PDGFD: variants seen among roughly 807,000 people sequenced by gnomAD.
The protein encoded by PDGFD is platelet-derived growth factor D.
PDGFD carries 30 observed loss-of-function variants against 44.7 expected under a neutral mutation model. The observed-to-expected ratio is 0.67, with a 90% CI of 0.50 to 0.91. The LOEUF (loss-of-function observed/expected upper bound fraction) is 0.91, where lower values mean the gene tolerates loss of function less well. Among genes scored for constraint, PDGFD ranks in the 40% least tolerant of loss-of-function variants. PDGFD has a pLI of 0.00. For synonymous variants in PDGFD, 173 were observed against 168.4 expected (o/e 1.03, Z -0.21); for missense variants, 445 against 457.8 (o/e 0.97, Z 0.25).
chr11:103,969,413 C>G (rs1388286431), intron 3 of PDGFD, among the ~76,000 whole-genome samples: 1 of 144,350 alleles, frequency 6.9e-6, no homozygotes, highest in African/African-American at 2.6e-5. Flanking sequence ...ACTCAAGGTT[C>G]TATAAAACTA....
intron 1 of PDGFD, among the ~76,000 whole-genome samples, chr11:104,035,924 T>A (rs141165341): frequency 6.6e-6 from 1 of 152,286 alleles, no homozygotes; most frequent in East Asian, 1.9e-4. Context: ...CATGTCTTTG[T>A]AAAAGATTTT....
intron 1 of PDGFD, among the ~76,000 whole-genome samples, chr11:104,157,781 C>T (rs1862328571): frequency 6.6e-6 from 1 of 152,118 alleles, no homozygotes; most frequent in Admixed American, 6.5e-5. Flanking sequence ...GATAAGGAAG[C>T]AGACTTTAAG....
chr11:104,141,657 T>G (rs1862087534), intron 1 of PDGFD, among the ~76,000 whole-genome samples: 1 of 152,156 alleles, frequency 6.6e-6, no homozygotes, highest in Non-Finnish European at 1.5e-5. Flanking sequence ...ATTATCCATG[T>G]GAGCCCTAAA....
intron 1 of PDGFD, among the ~76,000 whole-genome samples, chr11:104,051,877 T>A (rs909626267): frequency 1.3e-5 from 2 of 152,166 alleles, no homozygotes; most frequent in African/African-American, 4.8e-5. Context: ...TTATATAACA[T>A]AAAATCAACC....
intron 3 of PDGFD, among the ~76,000 whole-genome samples, chr11:103,977,564 C>T (rs1331367907): frequency 1.3e-5 from 2 of 151,862 alleles, no homozygotes; most frequent in Non-Finnish European, 2.9e-5. Flanking sequence ...TCCTTGAATC[C>T]CCCCAGTACC....
chr11:104,137,024 G>A (rs1231164222), intron 1 of PDGFD, among the ~76,000 whole-genome samples: 1 of 151,186 alleles, frequency 6.6e-6, no homozygotes, highest in African/African-American at 2.4e-5. Context: ...CAGTGACTGT[G>A]CTCAGGAAAC....
chr11:103,944,439 A>G (rs893794565), intron 4 of PDGFD, among the ~76,000 whole-genome samples: 4 of 152,168 alleles, frequency 2.6e-5, no homozygotes, highest in African/African-American at 4.8e-5. Context: ...TGTACAATCT[A>G]GAGGTAAATG....
intron 3 of PDGFD, among the ~76,000 whole-genome samples, chr11:103,985,240 C>T (rs1346790660): frequency 6.8e-6 from 1 of 148,086 alleles, no homozygotes; most frequent in Admixed American, 6.9e-5. Context: ...CTTGCCTTAT[C>T]ACCAAGGCTG....
intron 3 of PDGFD, among the ~76,000 whole-genome samples, chr11:103,973,906 T>A (rs1202237247): frequency 6.6e-6 from 1 of 152,052 alleles, no homozygotes; most frequent in East Asian, 1.9e-4. Context: ...GTTTTGGGGT[T>A]TTATCATAGG....
chr11:103,954,894 G>C (rs1858814044), intron 3 of PDGFD, among the ~76,000 whole-genome samples: 1 of 152,080 alleles, frequency 6.6e-6, no homozygotes, highest in Non-Finnish European at 1.5e-5. Context: ...GCCGGGCGCG[G>C]TGGCTCACGC....
At chr11:103,992,595 C>T (rs1477827444) in intron 3 of PDGFD, among the ~76,000 whole-genome samples, 1 of 152,196 alleles carries the variant, frequency 6.6e-6, no homozygotes, top group African/African-American at 2.4e-5. Context: ...TGGTAAGGCA[C>T]TGGTCCCATA....
intron 5 of PDGFD, among the ~76,000 whole-genome samples, chr11:103,934,271 A>C (rs1339730020): frequency 6.6e-6 from 1 of 152,216 alleles, no homozygotes; most frequent in Non-Finnish European, 1.5e-5. Flanking sequence ...CCTACCTCTC[A>C]GTAGGTATGC....
chr11:103,952,833 G>C (rs968526864), intron 3 of PDGFD, among the ~76,000 whole-genome samples: 160 of 151,990 alleles, frequency 1.1e-3, no homozygotes, highest in African/African-American at 3.8e-3. Flanking sequence ...TTATATTTTG[G>C]CAGTGAAACT....
chr11:104,008,572 A>T (rs1314153513), intron 1 of PDGFD, among the ~76,000 whole-genome samples: 1 of 152,276 alleles, frequency 6.6e-6, no homozygotes, highest in Admixed American at 6.5e-5. Context: ...ATTAAAATAA[A>T]TGTTTTAATG....
intron 1 of PDGFD, among the ~76,000 whole-genome samples, chr11:104,097,616 G>A (rs1209867465): frequency 6.6e-6 from 1 of 152,134 alleles, no homozygotes; most frequent in Non-Finnish European, 1.5e-5. Flanking sequence ...GACACTTTAA[G>A]AGATAATAAT....
chr11:104,119,743 ATAT>A (rs1322721737), intron 1 of PDGFD, among the ~76,000 whole-genome samples: 4 of 108,202 alleles, frequency 3.7e-5, no homozygotes, highest in African/African-American at 1.5e-4. Flanking sequence ...ATAGAAATAT[ATAT>A]TATATATTTA....
intron 1 of PDGFD, among the ~76,000 whole-genome samples, chr11:104,020,400 A>T (rs940434415): frequency 2.0e-5 from 3 of 152,140 alleles, no homozygotes; most frequent in African/African-American, 4.8e-5. Flanking sequence ...TGATTTATTG[A>T]TAGGTTCTAA....
chr11:103,987,176 T>C (rs1859380311), intron 3 of PDGFD, among the ~76,000 whole-genome samples: 1 of 151,820 alleles, frequency 6.6e-6, no homozygotes, highest in East Asian at 1.9e-4. Flanking sequence ...TGGCTCTGTG[T>C]GAATTAAGCT....
At chr11:103,966,468 A>G (rs1270176593) in intron 3 of PDGFD, among the ~76,000 whole-genome samples, 1 of 152,196 alleles carries the variant, frequency 6.6e-6, no homozygotes, top group African/African-American at 2.4e-5. Context: ...TAAGAGCAAC[A>G]ACAACAAAAA....
Sources: gnomAD v4.1 joint callset for allele counts (sites outside exome capture counted in the v4.1 genomes callset) on GRCh38, gnomAD v4.1.1 for gene constraint, MANE v1.5 for transcripts, NCBI Gene and HGNC (gene_info 2026-07-23, HGNC 2026-07-21) for gene names.